DRICH1: variants seen among roughly 807,000 people sequenced by gnomAD.
DRICH1 encodes aspartate rich 1.
Under a neutral mutation model 39.5 loss-of-function variants are expected in DRICH1, and 38 were observed. The observed-to-expected ratio is 0.96, with a 90% CI of 0.74 to 1.26. The LOEUF is 1.26. Among genes scored for constraint, DRICH1 ranks in the 50% most tolerant of loss-of-function variants. DRICH1 has a pLI of 0.00. For synonymous variants in DRICH1, 84 were observed against 99.5 expected, an observed-to-expected ratio of 0.84 and a Z score of 0.93; for missense variants, 279 against 270.4, an observed-to-expected ratio of 1.03 and a Z score of -0.22.
chr22:23,599,522 G>A, the DRICH1 span, among the ~76,000 whole-genome samples: 1 of 152,218 alleles, frequency 6.6e-6, no homozygotes, highest in Admixed American at 6.5e-5. Context: ...TTTGGGTGGT[G>A]AGCAGGGTGG....
chr22:23,617,734 G>C, intron 6 of DRICH1, 77 bp from the exon 7 acceptor site: 6 of 1,358,742 alleles, frequency 4.4e-6, no homozygotes, highest in Non-Finnish European at 3.2e-6. Flanking sequence ...TGCTGGATGT[G>C]GTATATGGAG....
chr22:23,586,792 G>A, the DRICH1 span, among the ~76,000 whole-genome samples: 5 of 152,112 alleles, frequency 3.3e-5, no homozygotes, highest in African/African-American at 4.8e-5. Flanking sequence ...TGATCCACTC[G>A]CCTCAGCCTC....
At chr22:23,611,272 C>G (rs1486126742) in intron 11 of DRICH1, among the ~76,000 whole-genome samples, 1 of 152,300 alleles carries the variant, frequency 6.6e-6, no homozygotes, top group Admixed American at 6.5e-5. Flanking sequence ...GACCCACATT[C>G]CCCATCTGTA....
At chr22:23,590,467 G>A in the DRICH1 span, among the ~76,000 whole-genome samples, 1 of 151,754 alleles carries the variant, frequency 6.6e-6, no homozygotes, top group Admixed American at 6.6e-5. Context: ...TAGTAGAGAT[G>A]GGGTTTTGCC....
At chr22:23,592,732 C>T in the DRICH1 span, among the ~76,000 whole-genome samples, 1 of 152,162 alleles carries the variant, frequency 6.6e-6, no homozygotes, top group Non-Finnish European at 1.5e-5. Context: ...TGGCTCACAC[C>T]TGTAATCCCA....
At chr22:23,606,025 G>T (rs1926709032), downstream of DRICH1, among the ~76,000 whole-genome samples, 1 of 147,664 alleles carries the variant, frequency 6.8e-6, no homozygotes, top group African/African-American at 2.5e-5. Flanking sequence ...AGTGAGCTGA[G>T]TTCACGCCAC....
chr22:23,595,187 T>A, the DRICH1 span, among the ~76,000 whole-genome samples: 1 of 143,398 alleles, frequency 7.0e-6, no homozygotes, highest in Admixed American at 7.0e-5. Context: ...GATGAAATAG[T>A]TTAATGAGAT....
Position 23,608,469 on chromosome 22 carries a change from T to C in DRICH1, c.*295A>G, listed in dbSNP as rs938836235. On this transcript the variant is annotated 3_prime_UTR_variant, in exon 12 of 12. Coordinates refer to ENST00000317749, the MANE Select transcript of DRICH1 (RefSeq NM_016449.4). ...CACCTGAATAAATGCACTCAGTCTCTTTATTTCAAGTGGGAATGGCACTTT... is the reference window on the plus strand; with the variant it reads ...CACCTGAATAAATGCACTCAGTCTCCTTATTTCAAGTGGGAATGGCACTTT... 2.7e-5 allele frequency: 13 copies of C among 489,476 alleles called. No homozygotes were observed. Among genetic ancestry groups the C allele is most frequent in the African/African-American group, 3.8e-5 (2 of 52,474 alleles). The allele number at this position is 489,476 out of a possible 1,614,324, so 30.3% of individuals were successfully genotyped here.
At chr22:23,607,911 G>C (rs923577458), downstream of DRICH1, among the ~76,000 whole-genome samples, 1 of 152,234 alleles carries the variant, frequency 6.6e-6, no homozygotes, top group Non-Finnish European at 1.5e-5. Flanking sequence ...GGTCACAGCA[G>C]GGGAGCTTTG....
intron 1 of DRICH1, among the ~76,000 whole-genome samples, chr22:23,628,533 C>T (rs1276872086): frequency 1.8e-4 from 27 of 150,624 alleles, no homozygotes; most frequent in Admixed American, 1.8e-3. Flanking sequence ...CACAACTGCA[C>T]TACTCCAGCC....
the DRICH1 span, among the ~76,000 whole-genome samples, chr22:23,591,863 A>C: frequency 3.3e-5 from 5 of 152,290 alleles, no homozygotes; most frequent in Admixed American, 2.6e-4. Context: ...GCTGGCTCAA[A>C]CCCCAAATTT....
the DRICH1 span, among the ~76,000 whole-genome samples, chr22:23,591,956 C>T: frequency 6.6e-6 from 1 of 152,208 alleles, no homozygotes; most frequent in African/African-American, 2.4e-5. Flanking sequence ...GGAGCAGGCC[C>T]TCTGCTTCCC....
At chr22:23,588,765 C>T in the DRICH1 span, among the ~76,000 whole-genome samples, 3 of 152,206 alleles carry the variant, frequency 2.0e-5, no homozygotes, top group Non-Finnish European at 4.4e-5. Context: ...CACTTCCTTT[C>T]TGCCACCCGG....
At chr22:23,592,095 AG>A in the DRICH1 span, among the ~76,000 whole-genome samples, 2 of 152,216 alleles carry the variant, frequency 1.3e-5, no homozygotes, top group African/African-American at 4.8e-5. Context: ...CAGGGAACAC[AG>A]GAACGCAATG....
intron 11 of DRICH1, 58 bp downstream of exon 11, chr22:23,613,231 C>T: frequency 7.5e-7 from 1 of 1,333,596 alleles, no homozygotes; most frequent in Non-Finnish European, 1.1e-6. Context: ...ACAGGGATAA[C>T]CTGGAGGCTC....
the DRICH1 span, among the ~76,000 whole-genome samples, chr22:23,595,197 T>A: frequency 7.0e-6 from 1 of 143,662 alleles, no homozygotes; most frequent in African/African-American, 2.6e-5. Context: ...TTTAATGAGA[T>A]TGGTTTTGGA....
the DRICH1 span, among the ~76,000 whole-genome samples, chr22:23,582,555 C>CTTATTTA: frequency 4.9e-5 from 7 of 143,872 alleles, no homozygotes; most frequent in Non-Finnish European, 1.1e-4. Context: ...CCTTCAGGGG[C>CTTATTTA]TTATTATTAT....
intron 1 of DRICH1, among the ~76,000 whole-genome samples, chr22:23,629,942 G>T (rs1450140225): frequency 6.6e-6 from 1 of 152,158 alleles, no homozygotes; most frequent in East Asian, 1.9e-4. Context: ...TCTAAGGCTT[G>T]AGGTACTCAT....
downstream of DRICH1, chr22:23,608,332 C>T (rs1926847556): frequency 5.5e-6 from 1 of 180,556 alleles, no homozygotes; most frequent in Non-Finnish European, 1.2e-5. Flanking sequence ...AGGACTCTGA[C>T]AGCAAGGCTT....
Sources: gnomAD v4.1 joint callset for allele counts (sites outside exome capture counted in the v4.1 genomes callset) on GRCh38, gnomAD v4.1.1 for gene constraint, MANE v1.5 for transcripts, NCBI Gene and HGNC (gene_info 2026-07-23, HGNC 2026-07-21) for gene names.